The following SLC12A9 variants were observed in gnomAD, a reference collection of about 807,000 sequenced individuals.
SLC12A9 encodes the protein CCC-interacting protein 1.
In SLC12A9, 55 loss-of-function variants were observed where a neutral mutation model predicts 66.0. That is an observed-to-expected ratio of 0.83 (90% CI 0.67 to 1.04). The LOEUF (loss-of-function observed/expected upper bound fraction) is 1.04, where lower values mean the gene tolerates loss of function less well. Among genes scored for constraint, SLC12A9 ranks in the 50% least tolerant of loss-of-function variants. SLC12A9 has a pLI of 0.00. For missense variants in SLC12A9, 1,061 were observed against 1,241.9 expected (o/e 0.85, Z 2.19); for synonymous variants, 577 against 569.0 (o/e 1.01, Z -0.20).
chr7:100,864,234 T>C (rs930446434), intron 13 of SLC12A9, among the ~76,000 whole-genome samples: 14 of 152,142 alleles, frequency 9.2e-5, no homozygotes, highest in Admixed American at 8.5e-4. Flanking sequence ...TACGCCAGCA[T>C]TGTCCGGCTA....
chr7:100,865,909 T>A lies in SLC12A9; in HGVS notation c.2049T>A (p.Tyr683Ter), dbSNP rs555522763. 2 of 1,613,472 alleles carry A rather than the reference T, an allele frequency of 1.2e-6. No individual in the cohort carries two copies. Among genetic ancestry groups the A allele is most frequent in the Admixed American group, 3.3e-5 (2 of 60,026 alleles). Residue 683 changes from tyrosine (Y) to a stop codon, truncating the protein, a stop_gained, in exon 14 of 14, where the codon TAT becomes TAA. Coordinates refer to ENST00000354161, the MANE Select transcript of SLC12A9 (RefSeq NM_020246.4). LOFTEE classifies it high-confidence loss of function. ...CCCGGGCCCTCAATCCCCAGGACTA[T>A]GTGGCCACGGTGGCCGACGCCCTCA... is the stretch of plus-strand genomic sequence containing the variant. ...GSPRALNPQD[Y>*]VATVADALKM...
chr7:100,850,698 T>G (rs1814045388), upstream of SLC12A9, among the ~76,000 whole-genome samples: 1 of 151,682 alleles, frequency 6.6e-6, no homozygotes, highest in Non-Finnish European at 1.5e-5. Context: ...CATGCCTGGT[T>G]AATTTTCTTT....
At chr7:100,858,801 T>C in intron 5 of SLC12A9, 34 bp from the exon 6 acceptor site, 1 of 1,606,390 alleles carries the variant, frequency 6.2e-7, no homozygotes, top group Non-Finnish European at 8.5e-7. Flanking sequence ...AGACGGATGC[T>C]GATGCACTCT....
intron 4 of SLC12A9, 121 bp downstream of exon 4, chr7:100,855,958 G>A: frequency 6.9e-7 from 1 of 1,449,778 alleles, no homozygotes; most frequent in South Asian, 1.4e-5. Context: ...TGGCTTTCTG[G>A]AGCTTCTGCT....
At chr7:100,849,986 C>T (rs1256285451), upstream of SLC12A9, among the ~76,000 whole-genome samples, 7 of 152,010 alleles carry the variant, frequency 4.6e-5, no homozygotes, top group African/African-American at 7.2e-5. Flanking sequence ...GATTCTCCCA[C>T]GTCAGCCTCC....
intron 1 of SLC12A9, among the ~76,000 whole-genome samples, chr7:100,841,307 A>G (rs1813785948): frequency 6.6e-6 from 1 of 152,014 alleles, no homozygotes; most frequent in Admixed American, 6.5e-5. Flanking sequence ...CTGAATGTAA[A>G]ACTATTTAAA....
chr7:100,833,932 CAAAAAAAAA>C (rs60667059), intron 1 of SLC12A9, among the ~76,000 whole-genome samples: 10 of 63,076 alleles, frequency 1.6e-4, no homozygotes, highest in Non-Finnish European at 2.2e-4. Context: ...GACTCTGTCT[CAAAAAAAAA>C]AAAAAAAAAA....
At chr7:100,853,389 C>G (rs1165606437) in intron 1 of SLC12A9, 1 of 152,108 alleles carries the variant, frequency 6.6e-6, no homozygotes, top group Non-Finnish European at 1.5e-5. Context: ...GTCTCAGGAA[C>G]ATAAGGGAAG....
upstream of SLC12A9, among the ~76,000 whole-genome samples, chr7:100,849,183 T>A (rs1814001554): frequency 6.6e-6 from 1 of 151,626 alleles, no homozygotes; most frequent in Non-Finnish European, 1.5e-5. Flanking sequence ...TGCTTCGGCC[T>A]CCCAAAGTGC....
rs1308713754 is a variant in SLC12A9, at chr7:100,866,337, G to A, written c.2477G>A (p.Gly826Glu). The change falls in exon 14 of 14, where the codon GGA becomes GAA. Residue 826 changes from glycine (G) to glutamate (E), a missense_variant. Physicochemically the swap from Gly to Glu is moderately conservative, Grantham distance 98. Transcript: ENST00000354161. This position sits in a 1 kb window ranked among gnomAD's most constrained non-coding sequence, Gnocchi z 7.3. ...EEGDFVNSGR[G>E]DAEAEALARS... is the part of the protein sequence containing the mutation. ...GGGGACTTTGTGAACAGTGGGCGGGGAGACGCAGAGGCAGAGGCCCTGGCA... is the reference window on the plus strand; with the variant it reads ...GGGGACTTTGTGAACAGTGGGCGGGAAGACGCAGAGGCAGAGGCCCTGGCA... 2 of 1,506,982 alleles carry A rather than the reference G, an allele frequency of 1.3e-6. No individual in the cohort carries two copies. The highest frequency in any genetic ancestry group is 1.4e-5 in the African/African-American group (1 of 72,262). The allele number at this position is 1,506,982 out of a possible 1,614,324, so 93.4% of individuals were successfully genotyped here. A position where few individuals can be genotyped will look rare whatever the true frequency, so the allele number is the denominator to read the frequency against.
chr7:100,848,966 G>A (rs1202135634), upstream of SLC12A9, among the ~76,000 whole-genome samples: 5 of 151,194 alleles, frequency 3.3e-5, no homozygotes, highest in Non-Finnish European at 7.4e-5. Flanking sequence ...TATAAGGAGA[G>A]TTTTTTTGTT....
intron 1 of SLC12A9, among the ~76,000 whole-genome samples, chr7:100,841,766 T>C (rs564914631): frequency 8.5e-5 from 13 of 152,054 alleles, no homozygotes; most frequent in South Asian, 2.1e-4. Context: ...ACGAGAAGCA[T>C]TGTTAAATGT....
intron 1 of SLC12A9, among the ~76,000 whole-genome samples, chr7:100,833,035 CA>C (rs1470011233): frequency 3.3e-5 from 5 of 152,132 alleles, no homozygotes; most frequent in African/African-American, 7.2e-5. Flanking sequence ...CTCAGCCTCC[CA>C]AAGTCCTATG....
At chr7:100,836,311 G>A (rs1813657703) in intron 1 of SLC12A9, among the ~76,000 whole-genome samples, 1 of 152,164 alleles carries the variant, frequency 6.6e-6, no homozygotes, top group Non-Finnish European at 1.5e-5. Context: ...ATGTGTGTGG[G>A]GAGGAGCAGG....
chr7:100,832,132 G>A (rs779989192), intron 1 of SLC12A9, among the ~76,000 whole-genome samples: 3 of 152,098 alleles, frequency 2.0e-5, no homozygotes, highest in Non-Finnish European at 2.9e-5. Flanking sequence ...CTTGGGAGGC[G>A]GAGGTTGCAG....
intron 2 of SLC12A9, 80 bp downstream of exon 2, chr7:100,854,458 T>G (rs980787833): frequency 5.7e-6 from 9 of 1,591,636 alleles, no homozygotes; most frequent in East Asian, 4.5e-5. Context: ...GGGACTGGGA[T>G]AAGATTAGGA....
At chr7:100,844,940 A>G (rs1813875313) in intron 1 of SLC12A9, among the ~76,000 whole-genome samples, 1 of 152,102 alleles carries the variant, frequency 6.6e-6, no homozygotes. Flanking sequence ...CCAGTCTCTC[A>G]ATGTCACTTC....
chr7:100,852,205 C>T (rs1814112038), upstream of SLC12A9, among the ~76,000 whole-genome samples: 1 of 152,208 alleles, frequency 6.6e-6, no homozygotes, highest in African/African-American at 2.4e-5. Context: ...CCAATGGCTC[C>T]CTCCGGTGGC....
In SLC12A9 at chr7:100,854,406, CTGA is replaced by C. The variant is rs774950541; in HGVS notation, c.181+29_181+31del. ...GAGTGGGTCCTGGGGCGGGTGTGGA[CTGA>C]CTATAGTATGGGAGGACATGATGGG... is the stretch of plus-strand genomic sequence containing the variant. On this transcript the variant is annotated intron_variant, in intron 2 of 13. Transcript: ENST00000354161. The C allele has an allele frequency of 3.7e-6, 6 of 1,607,204 alleles. No homozygotes were observed. The African/African-American group carries it at 8.1e-5, about 22-fold the overall frequency.
Sources: gnomAD v4.1 joint callset for allele counts (sites outside exome capture counted in the v4.1 genomes callset) on GRCh38, gnomAD v4.1.1 for gene constraint, Gnocchi (gnomAD v3.1) non-coding constraint, MANE v1.5 for transcripts, NCBI Gene and HGNC (gene_info 2026-07-23, HGNC 2026-07-21) for gene names.